Variants in PNPLA4 observed in about 807,000 individuals in gnomAD.
PNPLA4 encodes the protein patatin like domain 4, phospholipase and triacylglycerol lipase.
In PNPLA4, 15 loss-of-function variants were observed where a neutral mutation model predicts 18.3. That is an observed-to-expected ratio of 0.82 (90% CI 0.55 to 1.26). The LOEUF (loss-of-function observed/expected upper bound fraction) is 1.26. PNPLA4 is among the 50% of genes most tolerant of loss of function. PNPLA4 has a pLI of 0.00. For synonymous variants in PNPLA4, 88 were observed against 85.6 expected (o/e 1.03, Z -0.16); for missense variants, 229 against 196.8 (o/e 1.16, Z -0.98).
At chrX:7,926,950 T>C (rs1274635662) in intron 1 of PNPLA4, among the ~76,000 whole-genome samples, 5 of 112,513 alleles carry the variant, frequency 4.4e-5, no homozygotes, top group Admixed American at 9.3e-5. Flanking sequence ...GACCCCAAGA[T>C]GAGGCACATT....
rs372843326 is a variant in PNPLA4, at chrX:7,902,060, G to A, written c.559C>T (p.Arg187Ter). The A allele has an allele frequency of 5.1e-5, 62 of 1,206,399 alleles. No individual in the cohort carries two copies. Among genetic ancestry groups the A allele is most frequent in the African/African-American group, 5.1e-4 (29 of 56,890 alleles). Reference sequence around the variant, plus strand: ...TTGTCCTGCGGGGAGATGTCCAGTCGTCCACTGAAGGGGGAGATGGTTACT... The same window carrying A: ...TTGTCCTGCGGGGAGATGTCCAGTCATCCACTGAAGGGGGAGATGGTTACT... ...RTVTISPFSG[R>*]LDISPQDKGQ... Residue 187 changes from arginine to a stop codon, truncating the protein, a stop_gained, in exon 6 of 7, where the codon CGA becomes TGA. Coordinates refer to ENST00000381042, the MANE Select transcript of PNPLA4 (RefSeq NM_004650.3). LOFTEE classifies it high-confidence loss of function.
At chrX:7,900,937 G>C (rs1923512692) in intron 6 of PNPLA4, 120 bp from the exon 7 acceptor site, 2 of 567,317 alleles carry the variant, frequency 3.5e-6, no homozygotes, top group East Asian at 7.8e-5. Context: ...AAAATCAGTA[G>C]GAAAAATTTA....
chrX:7,910,875 CTA>C, intron 5 of PNPLA4, among the ~76,000 whole-genome samples: 1 of 109,474 alleles, frequency 9.1e-6, no homozygotes, highest in South Asian at 3.9e-4. Context: ...GATATCTACT[CTA>C]TTTAATTATA....
intron 2 of PNPLA4, among the ~76,000 whole-genome samples, chrX:7,925,360 G>A (rs1245998942): frequency 8.9e-6 from 1 of 112,446 alleles, no homozygotes; most frequent in Non-Finnish European, 1.9e-5. Flanking sequence ...ATTGATCACT[G>A]TCTGGATAGC....
At chrX:7,902,677 C>T (rs1434688969) in intron 5 of PNPLA4, among the ~76,000 whole-genome samples, 1 of 111,883 alleles carries the variant, frequency 8.9e-6, no homozygotes, top group East Asian at 2.8e-4. Flanking sequence ...CCTCAGTAGG[C>T]ACTCAGTGCT....
At chrX:7,909,256 T>C (rs942369662) in intron 5 of PNPLA4, among the ~76,000 whole-genome samples, 4 of 111,738 alleles carry the variant, frequency 3.6e-5, no homozygotes, top group Non-Finnish European at 7.5e-5. Flanking sequence ...TTCTGGTGTA[T>C]ACAATAATAA....
intron 5 of PNPLA4, among the ~76,000 whole-genome samples, chrX:7,904,003 CA>C (rs113055738): frequency 1.9e-5 from 2 of 105,426 alleles, no homozygotes; most frequent in East Asian, 3.0e-4. Flanking sequence ...GGGAGGTTTG[CA>C]AAAAAAAAGG....
rs374275179 is a variant in PNPLA4, at chrX:7,905,595, A to T, written c.478-3454T>A. ...AAAAAATACTTTGCTGGAAGAATGA[A>T]TGTTGCTATCTATAATTATTATAAA... is the stretch of plus-strand genomic sequence containing the variant. On this transcript the variant is annotated intron_variant, in intron 5 of 6. Coordinates refer to ENST00000381042, the MANE Select transcript of PNPLA4 (RefSeq NM_004650.3). 2.7e-5 allele frequency among the ~76,000 whole-genome samples: 3 copies of T among 112,694 alleles called. 1 individual carries two copies. In the East Asian group the frequency reaches 8.3e-4, roughly 31 times the overall value.
chrX:7,925,500 T>A (rs929333118), intron 2 of PNPLA4, among the ~76,000 whole-genome samples: 1 of 112,266 alleles, frequency 8.9e-6, no homozygotes, highest in Non-Finnish European at 1.9e-5. Flanking sequence ...AAGAATTAAA[T>A]TCCTATACCA....
intron 4 of PNPLA4, among the ~76,000 whole-genome samples, chrX:7,914,705 T>A (rs953079328): frequency 2.1e-4 from 23 of 111,316 alleles, no homozygotes; most frequent in Non-Finnish European, 3.8e-4. Context: ...GAGAGACATG[T>A]GGACTGCAAA....
At chrX:7,908,381 G>C (rs1307015243) in intron 5 of PNPLA4, among the ~76,000 whole-genome samples, 1 of 112,150 alleles carries the variant, frequency 8.9e-6, no homozygotes, top group African/African-American at 3.2e-5. Flanking sequence ...TGAAAATCTA[G>C]AAAATAAGAG....
At chrX:7,922,128 A>G (rs1472801569) in intron 2 of PNPLA4, 30 bp from the exon 3 acceptor site, 1 of 1,006,440 alleles carries the variant, frequency 9.9e-7, no homozygotes, top group African/African-American at 1.9e-5. Context: ...AAGTGACCCT[A>G]GGTGTTGTAA....
chrX:7,924,809 T>C (rs1261453375), intron 2 of PNPLA4, among the ~76,000 whole-genome samples: 2 of 112,083 alleles, frequency 1.8e-5, no homozygotes, highest in Non-Finnish European at 3.8e-5. Context: ...TTGCTGATAA[T>C]TGGAAACCAA....
Position 7,925,995 on chromosome X carries a change from GCCCCAGCGAAGGCTTTGA to G in PNPLA4, c.107_124del (p.Val36_Gly41del). On this transcript the variant is annotated inframe_deletion, in exon 2 of 7. Transcript: ENST00000381042. ...AGAAGCAACCAACGATCCCGCAGAC[GCCCCAGCGAAGGCTTTGA>G]CATCCTTCACAAGTTTTTTGCCATG... 8.3e-7 allele frequency: 1 copy of G among 1,211,380 alleles called. No individual in the cohort carries two copies. The highest frequency in any genetic ancestry group is 1.1e-6 in the Non-Finnish European group (1 of 895,107).
rs1341672065 is a variant in PNPLA4 at position 7,908,159 on chromosome X, A to T, written c.477+3869T>A. On this transcript the variant is annotated intron_variant, in intron 5 of 6. Transcript: ENST00000381042. ...CAGTAATACCCGCAATGTAGAAATGAGGAGGTCTGTGTATTTAACAAAAGT... is the reference window on the plus strand; with the variant it reads ...CAGTAATACCCGCAATGTAGAAATGTGGAGGTCTGTGTATTTAACAAAAGT... Among the ~76,000 whole-genome samples, 91 of 111,733 alleles carry T rather than the reference A, an allele frequency of 8.1e-4. 6 individuals are homozygous for T. Among genetic ancestry groups the T allele is most frequent in the Non-Finnish European group, 7.5e-5 (4 of 53,217 alleles).
intron 2 of PNPLA4, 141 bp downstream of exon 2, chrX:7,925,799 A>T: frequency 4.2e-6 from 2 of 471,440 alleles, no homozygotes; most frequent in Non-Finnish European, 7.0e-6. Context: ...ATTACATCTT[A>T]AGAGAAAAGT....
chrX:7,912,012 GT>G lies in PNPLA4; in HGVS notation c.477+15del. 1 of 1,145,411 alleles carries G rather than the reference GT, an allele frequency of 8.7e-7. No individual in the cohort carries two copies. The highest frequency in any genetic ancestry group is 1.2e-6 in the Non-Finnish European group (1 of 836,639). The allele number at this position is 1,145,411 out of a possible 1,213,427, so 94.4% of individuals were successfully genotyped here. On this transcript the variant is annotated intron_variant, in intron 5 of 6. Coordinates refer to ENST00000381042, the MANE Select transcript of PNPLA4 (RefSeq NM_004650.3). The stretch of plus-strand genomic sequence containing the variant: ...ATATAGGGAGGAGGGTAATTCCTCA[GT>G]TATAACAAGCTTACCTGCCCTTTGT...
chrX:7,901,041 C>T (rs999874519), intron 6 of PNPLA4, among the ~76,000 whole-genome samples: 1 of 111,533 alleles, frequency 9.0e-6, no homozygotes, highest in African/African-American at 3.3e-5. Context: ...AACTGTGGGA[C>T]AGTCATGTGC....
At chrX:7,901,295 C>G (rs1255193459) in intron 6 of PNPLA4, among the ~76,000 whole-genome samples, 2 of 112,128 alleles carry the variant, frequency 1.8e-5, no homozygotes, top group African/African-American at 6.5e-5. Flanking sequence ...TTTAAAATTG[C>G]TCTGGGCCAG....
Sources: gnomAD v4.1 joint callset for allele counts (sites outside exome capture counted in the v4.1 genomes callset) on GRCh38, gnomAD v4.1.1 for gene constraint, MANE v1.5 for transcripts, NCBI Gene and HGNC (gene_info 2026-07-23, HGNC 2026-07-21) for gene names.